Variants in AGBL1 observed in about 807,000 individuals in gnomAD.
AGBL1 encodes the protein cytosolic carboxypeptidase 4.
AGBL1 carries 130 observed loss-of-function variants against 118.9 expected under a neutral mutation model. The observed-to-expected ratio is 1.09, with a 90% CI of 0.95 to 1.26. The LOEUF (loss-of-function observed/expected upper bound fraction) is 1.26. AGBL1 is among the 50% of genes most tolerant of loss of function. The pLI is 0.00. For synonymous variants in AGBL1, 555 were observed against 478.9 expected (o/e 1.16, Z -2.08); for missense variants, 1,584 against 1,298.1 (o/e 1.22, Z -3.38).
chr15:86,826,975 T>C (rs960093726), intron 22 of AGBL1, among the ~76,000 whole-genome samples: 9 of 151,878 alleles, frequency 5.9e-5, no homozygotes, highest in African/African-American at 2.2e-4. Flanking sequence ...TTTGTAGCAA[T>C]GTCTGAGATC....
chr15:86,294,430 T>G (rs567428952), intron 16 of AGBL1, among the ~76,000 whole-genome samples: 165 of 148,792 alleles, frequency 1.1e-3, no homozygotes, highest in African/African-American at 3.8e-3. Flanking sequence ...AAAAAAAGGA[T>G]TGTTCACCAG....
At chr15:86,409,102 C>T (rs1365867473) in intron 18 of AGBL1, among the ~76,000 whole-genome samples, 1 of 152,176 alleles carries the variant, frequency 6.6e-6, no homozygotes. Context: ...AAATGCCTGT[C>T]AGTAATTCCC....
chr15:86,827,405 ATATG>A lies in AGBL1; in HGVS notation c.3159-79680_3159-79677del, dbSNP rs1567194659. Reference sequence around the variant, plus strand: ...TATACACATATATATATACATATATATATGTGTATATATATATATATATACACAT... The same window carrying A: ...TATACACATATATATATACATATATATGTATATATATATATATATACACAT... On this transcript the variant is annotated intron_variant, in intron 22 of 22. Transcript: ENST00000614907. 4.0e-3 allele frequency among the ~76,000 whole-genome samples: 37 copies of A among 9,278 alleles called. 1 individual carries two copies. The highest frequency in any genetic ancestry group is 0.015 in the African/African-American group (19 of 1,244). The allele number at this position is 9,278 out of a possible 152,430, so 6.1% of individuals were successfully genotyped here.
intron 17 of AGBL1, among the ~76,000 whole-genome samples, chr15:86,385,424 A>T (rs896916367): frequency 2.1e-4 from 32 of 152,336 alleles, no homozygotes; most frequent in African/African-American, 7.2e-4. Flanking sequence ...AGTCTCAGGC[A>T]TCACCTCAGA....
At chr15:86,644,742 A>G (rs2085249116) in intron 21 of AGBL1, among the ~76,000 whole-genome samples, 1 of 150,670 alleles carries the variant, frequency 6.6e-6, no homozygotes, top group African/African-American at 2.4e-5. Flanking sequence ...GTGGTGGCTC[A>G]CGCCTGTAAT....
Position 86,268,034 on chromosome 15 carries a change from T to C in AGBL1, c.1838+958T>C, listed in dbSNP as rs571422231. ...TTGGGATTTCATGAGAGCTAAGTAA[T>C]ACACTTAAGTCTCTTAGAGTAGTAC... On this transcript the variant is annotated intron_variant, in intron 13 of 22. Transcript: ENST00000614907. Among the ~76,000 whole-genome samples, 228 of 152,360 alleles carry C rather than the reference T, an allele frequency of 1.5e-3. 4 individuals are homozygous for C. In the South Asian group the frequency reaches 0.046, roughly 30 times the overall value.
chr15:86,661,712 C>T (rs2085544008), intron 21 of AGBL1, among the ~76,000 whole-genome samples: 1 of 151,992 alleles, frequency 6.6e-6, no homozygotes, highest in Non-Finnish European at 1.5e-5. Flanking sequence ...AAACAGTCCC[C>T]AGATAAACTG....
intron 17 of AGBL1, among the ~76,000 whole-genome samples, chr15:86,363,340 A>G (rs2080834821): frequency 6.6e-6 from 1 of 152,170 alleles, no homozygotes; most frequent in South Asian, 2.1e-4. Context: ...AGTGGTGGGT[A>G]CTTAGAGGTT....
chr15:86,584,003 G>T (rs1159511666), intron 21 of AGBL1, among the ~76,000 whole-genome samples: 1 of 151,992 alleles, frequency 6.6e-6, no homozygotes, highest in Non-Finnish European at 1.5e-5. Context: ...AGAAGTGTCT[G>T]TTAATGTCTT....
At chr15:86,315,591 G>A (rs532295778) in intron 17 of AGBL1, among the ~76,000 whole-genome samples, 16 of 151,768 alleles carry the variant, frequency 1.1e-4, no homozygotes, top group African/African-American at 2.4e-4. Context: ...GGTGGTGCGC[G>A]CCTGTAGTCC....
At chr15:86,253,487 G>T (rs2078849095) in intron 7 of AGBL1, among the ~76,000 whole-genome samples, 1 of 152,092 alleles carries the variant, frequency 6.6e-6, no homozygotes, top group South Asian at 2.1e-4. Flanking sequence ...TTGATGTCGT[G>T]ATCCACCTGC....
chr15:86,369,666 C>T (rs1249220248), intron 17 of AGBL1, among the ~76,000 whole-genome samples: 1 of 152,028 alleles, frequency 6.6e-6, no homozygotes, highest in Non-Finnish European at 1.5e-5. Context: ...TCTCTGCTAA[C>T]AAGAGACATA....
At chr15:86,956,873 T>C (rs2080936842) in intron 23 of AGBL1, among the ~76,000 whole-genome samples, 1 of 152,168 alleles carries the variant, frequency 6.6e-6, no homozygotes, top group Admixed American at 6.6e-5. Flanking sequence ...TAACAATTAA[T>C]ATTTACATAA....
chr15:86,142,325 C>T lies in AGBL1; in HGVS notation c.115+258C>T, dbSNP rs569570976. The stretch of plus-strand genomic sequence containing the variant: ...AGTAGTAACCCTCCGTGGTTCTACC[C>T]CTCTTCTCGCCCTGCTCGCTTCCAT... On this transcript the variant is annotated intron_variant, in intron 2 of 22. Transcript: ENST00000614907. Among the ~76,000 whole-genome samples, 535 of 152,308 alleles carry T rather than the reference C, an allele frequency of 3.5e-3. 2 individuals carry two copies. The highest frequency in any genetic ancestry group is 5.8e-3 in the Non-Finnish European group (394 of 68,032).
chr15:86,429,192 A>G (rs2081903009), intron 18 of AGBL1, among the ~76,000 whole-genome samples: 1 of 152,228 alleles, frequency 6.6e-6, no homozygotes. Context: ...GGAGATTCCT[A>G]TCATACTCCG....
chr15:86,151,063 A>C (rs1421076740), intron 3 of AGBL1, among the ~76,000 whole-genome samples: 1 of 152,078 alleles, frequency 6.6e-6, no homozygotes, highest in Non-Finnish European at 1.5e-5. Flanking sequence ...ACAAAAAAAC[A>C]AACACCGCAT....
intron 22 of AGBL1, among the ~76,000 whole-genome samples, chr15:86,885,423 T>C (rs79590403): frequency 0.014 from 2,158 of 152,156 alleles, 62 homozygotes; most frequent in African/African-American, 0.049. Flanking sequence ...AATATGGGAG[T>C]CCATTCTAAA....
At chr15:86,140,991 G>T (rs892929451) in intron 1 of AGBL1, among the ~76,000 whole-genome samples, 1 of 152,216 alleles carries the variant, frequency 6.6e-6, no homozygotes, top group Non-Finnish European at 1.5e-5. Flanking sequence ...TGAAGTGGAT[G>T]AGGAGTATGA....
intron 21 of AGBL1, among the ~76,000 whole-genome samples, chr15:86,669,404 A>C (rs899382105): frequency 6.6e-6 from 1 of 152,198 alleles, no homozygotes; most frequent in Non-Finnish European, 1.5e-5. Context: ...TAAGAAAGTA[A>C]GGTTAAGAGA....
Sources: gnomAD v4.1 joint callset for allele counts (sites outside exome capture counted in the v4.1 genomes callset) on GRCh38, gnomAD v4.1.1 for gene constraint, MANE v1.5 for transcripts, NCBI Gene and HGNC (gene_info 2026-07-23, HGNC 2026-07-21) for gene names.